Variants in LRP8 observed in about 807,000 individuals in gnomAD.
LRP8 encodes the protein low-density lipoprotein receptor-related protein 8.
Under a neutral mutation model 111.6 loss-of-function variants are expected in LRP8, and 46 were observed. The observed-to-expected ratio is 0.41, with a 90% CI of 0.33 to 0.53. The LOEUF is 0.53. Among genes scored for constraint, LRP8 ranks in the 20% least tolerant of loss-of-function variants. The pLI is 0.20. For missense variants in LRP8, 959 were observed against 1,297.4 expected, an observed-to-expected ratio of 0.74 and a Z score of 4.01; for synonymous variants, 464 against 511.2, an observed-to-expected ratio of 0.91 and a Z score of 1.24.
rs1204870565 is a variant in LRP8 at position 53,276,989 on chromosome 1, T to G, written c.586A>C (p.Ser196Arg). Residue 196 changes from serine (S) to arginine (R), a missense_variant, in exon 5 of 19, where the codon AGC (serine) becomes CGC (arginine). Ser to Arg is a moderately radical substitution (Grantham distance 110). Around this residue, in one of 3 missense-constraint regions of LRP8, gnomAD observed 819 missense variants for 1,097.6 expected, o/e 0.75. Coordinates refer to ENST00000306052, the MANE Select transcript of LRP8 (RefSeq NM_004631.5). The part of the protein sequence containing the change: ...CDGDDDCGDG[S>R]DERGCADPAC... The stretch of plus-strand genomic sequence containing the variant: ...GGGTCTGCACAGCCGCGCTCATCGC[T>G]GCCGTCACCACAGTCGTCGTCGCCG... The G allele has an allele frequency of 1.3e-6, 2 of 1,513,148 alleles. No homozygotes were observed. The highest frequency in any genetic ancestry group is 1.8e-6 in the Non-Finnish European group (2 of 1,134,366). The allele number at this position is 1,513,148 out of a possible 1,614,324, so 93.7% of individuals were successfully genotyped here. A position where few individuals can be genotyped will look rare whatever the true frequency, so the allele number is the denominator to read the frequency against.
Position 53,258,407 on chromosome 1 carries a change from A to G in LRP8, c.2121T>C (p.Ala707=), listed in dbSNP as rs1646189613. 3 of 1,613,944 alleles carry G rather than the reference A, an allele frequency of 1.9e-6. No homozygotes were observed. The highest frequency in any genetic ancestry group is 1.7e-6 in the Non-Finnish European group (2 of 1,179,992). ...NGGCEYLCLP[A]PQISSHSPKY... Reference sequence around the variant, plus strand: ...TGGGAGAGTGGCTGGAGATCTGAGGAGCAGGAAGGCACAGGTATTCACAGC... The same window carrying G: ...TGGGAGAGTGGCTGGAGATCTGAGGGGCAGGAAGGCACAGGTATTCACAGC... Residue 707 remains alanine, a synonymous_variant, in exon 14 of 19, where the codon GCT becomes GCC. Coordinates refer to ENST00000306052, the MANE Select transcript of LRP8 (RefSeq NM_004631.5).
At chr1:53,314,079 G>A (rs899928436) in intron 2 of LRP8, among the ~76,000 whole-genome samples, 9 of 152,148 alleles carry the variant, frequency 5.9e-5, no homozygotes, top group African/African-American at 2.2e-4. Context: ...GGGTTGTGAT[G>A]ACTCCCAGGT....
chr1:53,282,499 G>A (rs1647146381), intron 3 of LRP8, among the ~76,000 whole-genome samples: 1 of 152,090 alleles, frequency 6.6e-6, no homozygotes, highest in East Asian at 1.9e-4. Context: ...GTCCTTCCAG[G>A]GTACCTCTAT....
intron 2 of LRP8, among the ~76,000 whole-genome samples, chr1:53,319,498 A>G (rs1314597335): frequency 6.6e-6 from 1 of 152,190 alleles, no homozygotes; most frequent in Non-Finnish European, 1.5e-5. Flanking sequence ...AGGACACTCC[A>G]TGGCGCCTGA....
At chr1:53,290,422 C>A (rs914781480) in intron 2 of LRP8, among the ~76,000 whole-genome samples, 1 of 151,870 alleles carries the variant, frequency 6.6e-6, no homozygotes, top group Non-Finnish European at 1.5e-5. Context: ...AACAAGAAGT[C>A]GTAATGTATG....
intron 2 of LRP8, among the ~76,000 whole-genome samples, chr1:53,321,729 G>T (rs1654547474): frequency 6.6e-6 from 1 of 152,268 alleles, no homozygotes; most frequent in South Asian, 2.1e-4. Context: ...AAAGTCTTCA[G>T]CAAACACTCC....
chr1:53,324,664 G>A (rs1289919158), intron 2 of LRP8, among the ~76,000 whole-genome samples: 1 of 152,112 alleles, frequency 6.6e-6, no homozygotes, highest in African/African-American at 2.4e-5. Flanking sequence ...AGCCATGCAG[G>A]AGCCCAGCTT....
rs1229966481 is a variant in LRP8 at position 53,249,941 on chromosome 1, C to A, written c.2677-385G>T. Among the ~76,000 whole-genome samples the A allele has an allele frequency of 1.3e-5, 2 of 152,172 alleles. No individual in the cohort carries two copies. Among genetic ancestry groups the A allele is most frequent in the Non-Finnish European group, 2.9e-5 (2 of 68,036 alleles). ...CAGATTAATCAGACAGTTCTGCCCT[C>A]AAGGATCTTATGGGTTAGTGAGGAG... is the stretch of plus-strand genomic sequence containing the variant. On this transcript the variant is annotated intron_variant, in intron 17 of 18. Coordinates refer to ENST00000306052, the MANE Select transcript of LRP8 (RefSeq NM_004631.5). The surrounding 1 kb of genome is among the most constrained non-coding windows in gnomAD (Gnocchi z 4.1).
intron 2 of LRP8, among the ~76,000 whole-genome samples, chr1:53,321,302 G>C (rs1398697911): frequency 1.3e-5 from 2 of 152,176 alleles, no homozygotes; most frequent in African/African-American, 4.8e-5. Flanking sequence ...TTCAGAGCCT[G>C]GGTGATCTGG....
chr1:53,278,668 G>A (rs983218612), intron 4 of LRP8, among the ~76,000 whole-genome samples: 15 of 151,758 alleles, frequency 9.9e-5, no homozygotes, highest in South Asian at 4.2e-4. Context: ...ACACCTAGAT[G>A]AGCTCCCTTC....
rs566374486 is a variant in LRP8, at chr1:53,272,220, C to T, written c.1007-874G>A. Among the ~76,000 whole-genome samples the T allele has an allele frequency of 2.2e-4, 33 of 152,198 alleles. No homozygotes were observed. In the South Asian group the frequency reaches 5.2e-3, roughly 24 times the overall value. ...TGTTCCTCCTATCTTGTCATGGGCC[C>T]GGTTCCAGGATTACCACCTGCTGCA... On this transcript the variant is annotated intron_variant, in intron 6 of 18. Transcript: ENST00000306052.
At chr1:53,291,704 G>T (rs1648798347) in intron 2 of LRP8, 1 of 152,160 alleles carries the variant, frequency 6.6e-6, no homozygotes. Context: ...AGGCTTTGAG[G>T]GCCAAATGGT....
At position 53,327,262 on chromosome 1, in the gene LRP8, A is replaced by G. The variant is rs113368312; in HGVS notation, c.125-270T>C. The G allele has an allele frequency of 6.1e-4, 296 of 485,026 alleles. 1 individual carries two copies. Among genetic ancestry groups the G allele is most frequent in the African/African-American group, 5.5e-3 (278 of 50,632 alleles). The allele number at this position is 485,026 out of a possible 1,614,324, so 30.0% of individuals were successfully genotyped here. ...CCTCCATTCAGACGCACTCACCCGC[A>G]CACGCGACCCATAGTCAGAGATCTG... On this transcript the variant is annotated intron_variant, in intron 1 of 18. Coordinates refer to ENST00000306052, the MANE Select transcript of LRP8 (RefSeq NM_004631.5).
chr1:53,260,327 C>A (rs752398222), intron 13 of LRP8, 137 bp downstream of exon 13: 32 of 764,100 alleles, frequency 4.2e-5, no homozygotes, highest in Non-Finnish European at 6.1e-5. Context: ...AAGTACTCTA[C>A]CAACAAGAGG....
At position 53,280,657 on chromosome 1, in the gene LRP8, T is replaced by C; in HGVS notation, c.426A>G (p.Val142=). ...CCCCGTCGCAGCGCCACGAGGCAGG[T>C]ACACACTTGTGGCTGGTGGGTCCAC... The part of the protein sequence containing the change: ...LSCGPTSHKC[V]PASWRCDGEK... The change falls in exon 4 of 19, where the codon GTA becomes GTG. Residue 142 remains valine (V), a synonymous_variant. Transcript: ENST00000306052. 6.2e-7 allele frequency: 1 copy of C among 1,613,518 alleles called. No homozygotes were observed. The highest frequency in any genetic ancestry group is 8.5e-7 in the Non-Finnish European group (1 of 1,180,030).
chr1:53,283,126 G>A (rs1417156773), intron 3 of LRP8, among the ~76,000 whole-genome samples: 3 of 152,114 alleles, frequency 2.0e-5, no homozygotes, highest in South Asian at 2.1e-4. Flanking sequence ...CCTTTAGGAG[G>A]TGATTAAGCC....
intron 8 of LRP8, among the ~76,000 whole-genome samples, chr1:53,270,768 C>A (rs1320228312): frequency 1.3e-5 from 2 of 152,242 alleles, no homozygotes; most frequent in Non-Finnish European, 1.5e-5. Flanking sequence ...ATTGCTGCTG[C>A]TCCCAGCTGG....
intron 6 of LRP8, among the ~76,000 whole-genome samples, chr1:53,274,375 G>GGGA (rs1390847756): frequency 6.6e-6 from 1 of 152,238 alleles, no homozygotes; most frequent in Admixed American, 6.5e-5. Context: ...GGGTCAGCAG[G>GGGA]GGAGGAACAC....
intron 16 of LRP8, among the ~76,000 whole-genome samples, chr1:53,254,600 C>T (rs1387778583): frequency 6.6e-6 from 1 of 152,066 alleles, no homozygotes; most frequent in Non-Finnish European, 1.5e-5. Flanking sequence ...AGGACAGAAC[C>T]ATGTCTTATT....
Sources: gnomAD v4.1 joint callset for allele counts (sites outside exome capture counted in the v4.1 genomes callset) on GRCh38, gnomAD v4.1.1 for gene constraint, gnomAD v4.1.1 regional missense constraint, Gnocchi (gnomAD v3.1) non-coding constraint, MANE v1.5 for transcripts, NCBI Gene and HGNC (gene_info 2026-07-23, HGNC 2026-07-21) for gene names.